NTRK3: variants seen among roughly 807,000 people sequenced by gnomAD.
The protein encoded by NTRK3 is NT-3 growth factor receptor.
In NTRK3, 24 loss-of-function variants were observed where a neutral mutation model predicts 91.7. The observed-to-expected ratio is 0.26, with a 90% CI of 0.19 to 0.37. The LOEUF is 0.37. Among genes scored for constraint, NTRK3 ranks in the 10% least tolerant of loss-of-function variants. The pLI, the probability that NTRK3 is intolerant of heterozygous loss-of-function variation, is 1.00. For missense variants in NTRK3, 880 were observed against 1,068.9 expected, an observed-to-expected ratio of 0.82 and a Z score of 2.46; for synonymous variants, 483 against 404.0, an observed-to-expected ratio of 1.20 and a Z score of -2.34.
At chr15:88,082,477 C>A (rs953201004) in intron 13 of NTRK3, among the ~76,000 whole-genome samples, 2 of 152,140 alleles carry the variant, frequency 1.3e-5, no homozygotes. Context: ...AAATGCAGAA[C>A]GTTTCCAGTG....
chr15:88,238,559 G>A (rs950294880), intron 3 of NTRK3, among the ~76,000 whole-genome samples: 3 of 152,034 alleles, frequency 2.0e-5, no homozygotes, highest in Non-Finnish European at 4.4e-5. Context: ...CACGAAATTG[G>A]TTTGTATTCA....
chr15:88,096,208 A>C (rs1231466687), intron 13 of NTRK3, among the ~76,000 whole-genome samples: 2 of 152,034 alleles, frequency 1.3e-5, no homozygotes, highest in African/African-American at 4.8e-5. Flanking sequence ...GCATGGGACA[A>C]AATCTTATTC....
chr15:88,154,635 G>T (rs141760792), intron 5 of NTRK3, among the ~76,000 whole-genome samples: 1 of 152,082 alleles, frequency 6.6e-6, no homozygotes, highest in Non-Finnish European at 1.5e-5. Context: ...CTCAACTGAC[G>T]TGACTGGTGT....
chr15:88,106,688 T>C (rs1025093856), intron 13 of NTRK3, among the ~76,000 whole-genome samples: 1 of 151,364 alleles, frequency 6.6e-6, no homozygotes, highest in Non-Finnish European at 1.5e-5. Context: ...TCCCAGCACT[T>C]TGGGAGGCCA....
intron 13 of NTRK3, among the ~76,000 whole-genome samples, chr15:88,115,303 T>C (rs1183771902): frequency 6.6e-6 from 1 of 152,220 alleles, no homozygotes; most frequent in Non-Finnish European, 1.5e-5. Flanking sequence ...AGCGGGCTGG[T>C]GCTATGGCAG....
At chr15:88,132,744 C>T (rs918508148) in intron 10 of NTRK3, among the ~76,000 whole-genome samples, 2 of 152,184 alleles carry the variant, frequency 1.3e-5, no homozygotes, top group African/African-American at 4.8e-5. Context: ...AATTGACTCT[C>T]TTGAGCGTTT....
chr15:88,069,385 G>A (rs946842152), intron 13 of NTRK3, among the ~76,000 whole-genome samples: 3 of 152,310 alleles, frequency 2.0e-5, no homozygotes, highest in Middle Eastern at 6.8e-3. Flanking sequence ...CCAGAGTAGG[G>A]AAAGAATTAA....
intron 17 of NTRK3, among the ~76,000 whole-genome samples, chr15:87,914,648 T>C (rs964594827): frequency 6.6e-6 from 1 of 152,188 alleles, no homozygotes; most frequent in African/African-American, 2.4e-5. Context: ...TATTGAGGTA[T>C]GGAACAAACA....
At chr15:87,985,635 C>T (rs1210320407) in intron 14 of NTRK3, among the ~76,000 whole-genome samples, 1 of 152,128 alleles carries the variant, frequency 6.6e-6, no homozygotes, top group Non-Finnish European at 1.5e-5. Flanking sequence ...CTGGTTCCAG[C>T]TGTGTGCAGA....
At chr15:88,230,412 C>T (rs570649973) in intron 3 of NTRK3, among the ~76,000 whole-genome samples, 8 of 152,214 alleles carry the variant, frequency 5.3e-5, no homozygotes, top group African/African-American at 1.7e-4. Context: ...ATCATGATCG[C>T]GGAAAGCTGA....
At chr15:88,016,255 T>A (rs1164897494) in intron 14 of NTRK3, among the ~76,000 whole-genome samples, 1 of 152,190 alleles carries the variant, frequency 6.6e-6, no homozygotes, top group Non-Finnish European at 1.5e-5. Context: ...ATAGAGAGGC[T>A]AACCAGAGCT....
intron 17 of NTRK3, among the ~76,000 whole-genome samples, chr15:87,919,615 G>A (rs967838624): frequency 6.6e-6 from 1 of 152,182 alleles, no homozygotes; most frequent in Non-Finnish European, 1.5e-5. Context: ...AAAGATGATA[G>A]CAATAATTAG....
At chr15:88,147,239 T>C in intron 6 of NTRK3, 96 bp downstream of exon 6, 2 of 1,140,448 alleles carry the variant, frequency 1.8e-6, no homozygotes, top group Non-Finnish European at 2.6e-6. Flanking sequence ...AGTAGATGTA[T>C]GCTCAGCCTT....
intron 14 of NTRK3, among the ~76,000 whole-genome samples, chr15:88,007,903 G>C (rs1219478407): frequency 6.6e-6 from 1 of 152,122 alleles, no homozygotes; most frequent in Non-Finnish European, 1.5e-5. Context: ...TGCATTTCTA[G>C]ACCTTTGTTA....
chr15:88,062,546 C>T (rs1027215589), intron 13 of NTRK3, among the ~76,000 whole-genome samples: 1 of 152,170 alleles, frequency 6.6e-6, no homozygotes, highest in African/African-American at 2.4e-5. Flanking sequence ...TGGCTGGAGC[C>T]CTAGCTGCCA....
chr15:87,974,046 C>T (rs868613006), intron 14 of NTRK3, among the ~76,000 whole-genome samples: 10 of 152,144 alleles, frequency 6.6e-5, no homozygotes, highest in East Asian at 1.9e-4. Context: ...AGCTTTCCCG[C>T]GGCATCCAAC....
chr15:88,068,743 G>A (rs373402662), intron 13 of NTRK3, among the ~76,000 whole-genome samples: 2 of 152,132 alleles, frequency 1.3e-5, no homozygotes, highest in Non-Finnish European at 2.9e-5. Flanking sequence ...CAGGACAGTA[G>A]GGTAGGGGTC....
At chr15:88,079,341 C>T (rs1413720542) in intron 13 of NTRK3, among the ~76,000 whole-genome samples, 2 of 152,200 alleles carry the variant, frequency 1.3e-5, no homozygotes, top group African/African-American at 2.4e-5. Flanking sequence ...CTCCCTTCCC[C>T]AGCGCACCTG....
chr15:88,108,429 GA>G (rs2050949945), intron 13 of NTRK3, among the ~76,000 whole-genome samples: 1 of 152,144 alleles, frequency 6.6e-6, no homozygotes, highest in Non-Finnish European at 1.5e-5. Context: ...ATCCTAAAAA[GA>G]ATAGCCCATA....
Sources: allele counts gnomAD v4.1 joint callset (sites outside exome capture counted in the v4.1 genomes callset), GRCh38; gene constraint gnomAD v4.1.1; transcripts MANE v1.5; gene names NCBI Gene and HGNC (gene_info 2026-07-23, HGNC 2026-07-21).